The following CRY2 variants were observed in gnomAD, a reference collection of about 807,000 sequenced individuals.
CRY2 encodes cryptochrome circadian regulator 2, also known as cryptochrome-2.
Under a neutral mutation model 69.5 loss-of-function variants are expected in CRY2, and 31 were observed. The ratio of observed to expected loss-of-function variants is 0.45; its 90% CI spans 0.34 to 0.60. CRY2 has a LOEUF of 0.60. Among genes scored for constraint, CRY2 ranks in the 20% least tolerant of loss-of-function variants. CRY2 has a pLI of 0.02. For missense variants in CRY2, 606 were observed against 797.8 expected (o/e 0.76, Z 2.90); for synonymous variants, 303 against 312.2 (o/e 0.97, Z 0.31).
chr11:45,869,626 A>C lies in CRY2; in HGVS notation c.1003A>C (p.Ile335Leu). ...CCGCATGGAGGGGAACCCCATCTGCATCCAGATCCCCTGGGACCGCAATCC... is the reference window on the plus strand; with the variant it reads ...CCGCATGGAGGGGAACCCCATCTGCCTCCAGATCCCCTGGGACCGCAATCC... ...FDRMEGNPIC[I>L]QIPWDRNPEA... is the part of the protein sequence containing the mutation. The change falls in exon 7 of 12, where the codon ATC becomes CTC. Residue 335 changes from isoleucine to leucine, a missense_variant. Physicochemically the swap from Ile to Leu is conservative, Grantham distance 5 (BLOSUM62 2). Transcript: ENST00000616080. 6.2e-7 allele frequency: 1 copy of C among 1,614,266 alleles called. No individual in the cohort carries two copies.
intron 2 of CRY2, 118 bp from the exon 3 acceptor site, chr11:45,858,613 G>T: frequency 2.7e-6 from 3 of 1,124,700 alleles, no homozygotes; most frequent in Non-Finnish European, 3.6e-6. Flanking sequence ...AGTTTTTTCT[G>T]CTGCCCATCA....
rs547134751 is a variant in CRY2, at chr11:45,869,590, C to T, written c.967C>T (p.Pro323Ser). Reference sequence around the variant, plus strand: ...CTTCTACACGGCAGCTACCAACAACCCCAGGTTTGACCGCATGGAGGGGAA... The same window carrying T: ...CTTCTACACGGCAGCTACCAACAACTCCAGGTTTGACCGCATGGAGGGGAA... ...EFFYTAATNN[P>S]RFDRMEGNPI... The change falls in exon 7 of 12, where the codon CCC (proline) becomes TCC (serine). Residue 323 changes from proline to serine, a missense_variant. Physicochemically the swap from Pro to Ser is moderately conservative, Grantham distance 74. Transcript: ENST00000616080. 4.3e-6 allele frequency: 7 copies of T among 1,614,244 alleles called. No homozygotes were observed. Among genetic ancestry groups the T allele is most frequent in the African/African-American group, 1.3e-5 (1 of 75,058 alleles).
chr11:45,851,361 C>G (rs1463467529), intron 1 of CRY2, among the ~76,000 whole-genome samples: 1 of 152,224 alleles, frequency 6.6e-6, no homozygotes, highest in African/African-American at 2.4e-5. Flanking sequence ...GCCCATTTCT[C>G]TTAGAATTGG....
intron 1 of CRY2, 37 bp downstream of exon 1, chr11:45,847,742 C>T (rs1590759096): frequency 2.0e-6 from 3 of 1,519,414 alleles, no homozygotes; most frequent in East Asian, 4.9e-5. Context: ...GGGACGCAGC[C>T]AGGACCCTGA....
chr11:45,852,380 A>G (rs1226039399), intron 1 of CRY2, among the ~76,000 whole-genome samples: 2 of 152,226 alleles, frequency 1.3e-5, no homozygotes, highest in African/African-American at 2.4e-5. Flanking sequence ...AGAAGGCCCA[A>G]GGTTCTCTCT....
intron 11 of CRY2, among the ~76,000 whole-genome samples, chr11:45,878,732 G>C (rs61882472): frequency 2.6e-5 from 4 of 151,828 alleles, no homozygotes; most frequent in Admixed American, 6.6e-5. Context: ...AGACCAGCCT[G>C]GGCAACATGG....
chr11:45,869,965 G>T, intron 7 of CRY2, 88 bp from the exon 8 acceptor site: 2 of 1,523,292 alleles, frequency 1.3e-6, no homozygotes, highest in South Asian at 2.6e-5. Flanking sequence ...CAATGGAAGG[G>T]TTTTGGCTCC....
At chr11:45,857,979 C>G (rs1322049403) in intron 2 of CRY2, among the ~76,000 whole-genome samples, 6 of 152,214 alleles carry the variant, frequency 3.9e-5, no homozygotes, top group Non-Finnish European at 7.3e-5. Context: ...TGACCAGAGA[C>G]TTTGGAGAAT....
intron 1 of CRY2, 138 bp downstream of exon 1, chr11:45,847,843 G>C: frequency 8.1e-7 from 1 of 1,233,842 alleles, no homozygotes; most frequent in South Asian, 1.6e-5. Context: ...GAAGTAATTC[G>C]TCATGGTCCT....
Position 45,872,166 on chromosome 11 carries a change from GAA to G in CRY2, c.1718_1719del (p.Glu573AlafsTer81). ...LEAAEEPPGE[E>X]LSKRARVAEL... ...AGCAGCCGAGGAACCACCTGGTGAAGAACTCAGCAAACGGGCCCGGGTGGCAG... is the reference window on the plus strand; with the variant it reads ...AGCAGCCGAGGAACCACCTGGTGAAGCTCAGCAAACGGGCCCGGGTGGCAG... On this transcript the variant is annotated frameshift_variant, in exon 11 of 12. Coordinates refer to ENST00000616080, the MANE Select transcript of CRY2 (RefSeq NM_021117.5). LOFTEE classifies it high-confidence loss of function. 6.2e-7 allele frequency: 1 copy of G among 1,614,156 alleles called. No homozygotes were observed. The highest frequency in any genetic ancestry group is 1.1e-5 in the South Asian group (1 of 91,074).
At chr11:45,849,064 A>G (rs2086174049) in intron 1 of CRY2, among the ~76,000 whole-genome samples, 1 of 152,212 alleles carries the variant, frequency 6.6e-6, no homozygotes, top group Non-Finnish European at 1.5e-5. Context: ...GAGCCAGGCA[A>G]ATGGAATCCG....
intron 6 of CRY2, among the ~76,000 whole-genome samples, chr11:45,868,277 C>G (rs1590768918): frequency 6.6e-6 from 1 of 152,238 alleles, no homozygotes; most frequent in Admixed American, 6.5e-5. Context: ...GTTAACTGTC[C>G]CCAGAAGGAG....
At chr11:45,876,260 A>G (rs774564814) in intron 11 of CRY2, among the ~76,000 whole-genome samples, 1 of 152,130 alleles carries the variant, frequency 6.6e-6, no homozygotes, top group East Asian at 1.9e-4. Context: ...CTGTTTTTCT[A>G]ATGCCTCAGG....
At chr11:45,878,545 A>G (rs2086441606) in intron 11 of CRY2, among the ~76,000 whole-genome samples, 1 of 152,234 alleles carries the variant, frequency 6.6e-6, no homozygotes. Flanking sequence ...TTAATAATAC[A>G]TACATTTGTA....
At chr11:45,856,601 C>G (rs2086241168) in intron 2 of CRY2, among the ~76,000 whole-genome samples, 1 of 152,188 alleles carries the variant, frequency 6.6e-6, no homozygotes, top group South Asian at 2.1e-4. Context: ...TCCAGGCCAT[C>G]CTGGCTAACA....
upstream of CRY2, chr11:45,847,421 G>C: frequency 6.3e-7 from 1 of 1,592,916 alleles, no homozygotes; most frequent in South Asian, 1.1e-5. Context: ...AGGTCACTGG[G>C]CGGGCTATGG....
At chr11:45,870,820 T>C (rs2086373689) in intron 9 of CRY2, 22 bp from the exon 10 acceptor site, 1 of 1,598,416 alleles carries the variant, frequency 6.3e-7, no homozygotes, top group Non-Finnish European at 8.6e-7. Flanking sequence ...GGCACTCTGA[T>C]TACTCCTCGC....
At chr11:45,865,740 G>C (rs1484299437) in intron 5 of CRY2, among the ~76,000 whole-genome samples, 1 of 151,944 alleles carries the variant, frequency 6.6e-6, no homozygotes, top group Non-Finnish European at 1.5e-5. Flanking sequence ...CCCTGACCCT[G>C]TCTCAAAAAA....
At chr11:45,875,907 A>G (rs1252989176) in intron 11 of CRY2, among the ~76,000 whole-genome samples, 2 of 152,234 alleles carry the variant, frequency 1.3e-5, no homozygotes, top group Non-Finnish European at 2.9e-5. Flanking sequence ...TGCAAATGGA[A>G]TCACATTATC....
Sources: allele counts gnomAD v4.1 joint callset (sites outside exome capture counted in the v4.1 genomes callset), GRCh38; gene constraint gnomAD v4.1.1; transcripts MANE v1.5; gene names NCBI Gene and HGNC (gene_info 2026-07-23, HGNC 2026-07-21).